The following SPAM1 variants were observed in gnomAD, a reference collection of about 807,000 sequenced individuals.
The protein encoded by SPAM1 is hyaluronidase PH-20.
A neutral mutation model predicts 29.6 loss-of-function variants in SPAM1; 22 were observed. The observed-to-expected ratio is 0.74, with a 90% confidence interval of 0.53 to 1.06. SPAM1 has a LOEUF of 1.06. Ranked by LOEUF, SPAM1 falls within the 50% of genes least tolerant of loss-of-function variation. SPAM1 has a pLI of 0.00. For synonymous variants in SPAM1, 194 were observed against 204.6 expected, an observed-to-expected ratio of 0.95 and a Z score of 0.44; for missense variants, 534 against 604.0, an observed-to-expected ratio of 0.88 and a Z score of 1.21.
chr7:123,947,578 CCACACACACACACACACACACACA>C (rs3993662), intron 1 of SPAM1: 1 of 147,648 alleles, frequency 6.8e-6, no homozygotes, highest in Non-Finnish European at 1.5e-5. Flanking sequence ...GATTAAAACA[CCACACACACACACACACACACACA>C]CACACACACA....
Position 123,955,071 on chromosome 7 carries a change from T to C in SPAM1, c.1029T>C (p.Ser343=). The C allele has an allele frequency of 1.9e-6, 3 of 1,608,978 alleles. No homozygotes were observed. The highest frequency in any genetic ancestry group is 2.6e-6 in the Non-Finnish European group (3 of 1,175,914). ...GAATTGTAATATGGGGAACCCTCAG[T>C]ATAATGCGAAGTATGGTAAGTTGAA... ...ASGIVIWGTL[S]IMRSMKSCLL... is the part of the protein sequence containing the mutation. The change falls in exon 4 of 5, where the codon AGT becomes AGC. Residue 343 remains serine, a synonymous_variant. Coordinates refer to ENST00000682466, the MANE Select transcript of SPAM1 (RefSeq NM_153189.3).
chr7:123,962,478 A>G (rs903967491), downstream of SPAM1, among the ~76,000 whole-genome samples: 4 of 151,926 alleles, frequency 2.6e-5, no homozygotes, highest in African/African-American at 2.4e-5. Flanking sequence ...TACTCTGTTC[A>G]TTGCTTTTCC....
intron 6 of SPAM1, among the ~76,000 whole-genome samples, chr7:123,970,790 T>A (rs1364781211): frequency 6.6e-6 from 1 of 151,972 alleles, no homozygotes; most frequent in East Asian, 1.9e-4. Context: ...AGAAACATAT[T>A]CTATTCCATA....
chr7:123,961,370 G>A (rs904963234), downstream of SPAM1, among the ~76,000 whole-genome samples: 1 of 151,714 alleles, frequency 6.6e-6, no homozygotes, highest in Non-Finnish European at 1.5e-5. Context: ...TCCTCTCTCT[G>A]TGATTTCAAT....
intron 1 of SPAM1, among the ~76,000 whole-genome samples, chr7:123,944,510 A>G (rs578201948): frequency 6.6e-6 from 1 of 152,186 alleles, no homozygotes; most frequent in South Asian, 2.1e-4. Context: ...CAGTTACCAA[A>G]AGGCAAAAGA....
At chr7:123,935,597 A>G (rs997575172) in intron 1 of SPAM1, among the ~76,000 whole-genome samples, 1 of 152,182 alleles carries the variant, frequency 6.6e-6, no homozygotes, top group Non-Finnish European at 1.5e-5. Context: ...TAAGAATTCT[A>G]TTCTTGTTGC....
At chr7:123,968,815 C>T (rs1279490440) in intron 5 of SPAM1, among the ~76,000 whole-genome samples, 2 of 152,130 alleles carry the variant, frequency 1.3e-5, no homozygotes, top group South Asian at 2.1e-4. Flanking sequence ...GTTTCCTCAT[C>T]TGTGTGAGAA....
At chr7:123,941,819 G>C (rs892064797) in intron 1 of SPAM1, among the ~76,000 whole-genome samples, 3 of 152,134 alleles carry the variant, frequency 2.0e-5, no homozygotes, top group Admixed American at 6.5e-5. Context: ...CATTTTAGAA[G>C]AAAATGGGTC....
At chr7:123,968,690 G>C (rs1792460820) in intron 5 of SPAM1, among the ~76,000 whole-genome samples, 1 of 151,972 alleles carries the variant, frequency 6.6e-6, no homozygotes, top group East Asian at 1.9e-4. Context: ...GAGATAGTAT[G>C]TCTAATAGTT....
intron 4 of SPAM1, among the ~76,000 whole-genome samples, chr7:123,958,050 CTT>C (rs1416773218): frequency 6.6e-6 from 1 of 152,024 alleles, no homozygotes; most frequent in Non-Finnish European, 1.5e-5. Flanking sequence ...TGCAAAGTCT[CTT>C]TTGTCACATA....
At chr7:123,963,488 T>C (rs1308522966), downstream of SPAM1, among the ~76,000 whole-genome samples, 2 of 151,826 alleles carry the variant, frequency 1.3e-5, no homozygotes, top group African/African-American at 4.8e-5. Context: ...AAGATTAGCA[T>C]TAAAAAGGAT....
chr7:123,951,573 G>A (rs1451951134), intron 2 of SPAM1, among the ~76,000 whole-genome samples: 1 of 151,988 alleles, frequency 6.6e-6, no homozygotes, highest in East Asian at 1.9e-4. Context: ...AGACTTCTAT[G>A]GGTAGAGACG....
rs1242850512 is a variant in SPAM1, at chr7:123,954,380, T to C, written c.810T>C (p.Ser270=). The C allele has an allele frequency of 6.2e-7, 1 of 1,613,306 alleles. No homozygotes were observed. Among genetic ancestry groups the C allele is most frequent in the African/African-American group, 1.3e-5 (1 of 74,876 alleles). ...CCATTTATTTGAACACTCAGCAGTC[T>C]CCTGTAGCTGCTACACTCTATGTGC... The part of the protein sequence containing the change: ...YPSIYLNTQQ[S]PVAATLYVRN... Residue 270 remains serine (S), a synonymous_variant, in exon 3 of 5, where the codon TCT becomes TCC. Transcript: ENST00000682466.
intron 4 of SPAM1, among the ~76,000 whole-genome samples, chr7:123,955,610 C>T (rs1792230969): frequency 6.6e-6 from 1 of 151,962 alleles, no homozygotes; most frequent in South Asian, 2.1e-4. Flanking sequence ...CTCAGGACCT[C>T]AGCGAATAGT....
intron 1 of SPAM1, among the ~76,000 whole-genome samples, chr7:123,930,765 C>T (rs1409271358): frequency 3.9e-5 from 6 of 152,082 alleles, no homozygotes; most frequent in South Asian, 2.1e-4. Flanking sequence ...ATGGTCTGGT[C>T]GTGGAGAACT....
At chr7:123,964,154 T>A (rs1203042625), downstream of SPAM1, among the ~76,000 whole-genome samples, 2 of 151,880 alleles carry the variant, frequency 1.3e-5, no homozygotes, top group Non-Finnish European at 2.9e-5. Context: ...CTATATTAGA[T>A]GTACATGTCA....
chr7:123,945,467 C>T (rs1366205846), intron 1 of SPAM1, among the ~76,000 whole-genome samples: 1 of 152,152 alleles, frequency 6.6e-6, no homozygotes, highest in Admixed American at 6.6e-5. Flanking sequence ...ATTACACATG[C>T]CAAGGTCAAA....
rs931439298 is a variant in SPAM1, at chr7:123,953,917, A to G, written c.347A>G (p.Gln116Arg). 1 of 1,613,738 alleles carries G rather than the reference A, an allele frequency of 6.2e-7. No homozygotes were observed. Among genetic ancestry groups the G allele is most frequent in the South Asian group, 1.1e-5 (1 of 91,070 alleles). ...TGVTVNGGIP[Q>R]KISLQDHLDK... ...GTAACTGTGAATGGAGGAATCCCCC[A>G]GAAGATTTCCTTACAAGACCATCTG... Residue 116 changes from glutamine (Q) to arginine (R), a missense_variant, in exon 3 of 5, where the codon CAG becomes CGG. By Grantham distance (43) the Gln-to-Arg change is conservative (BLOSUM62 1). Transcript: ENST00000682466.
At chr7:123,964,785 A>T (rs1343575038), downstream of SPAM1, among the ~76,000 whole-genome samples, 1 of 152,006 alleles carries the variant, frequency 6.6e-6, no homozygotes, top group Non-Finnish European at 1.5e-5. Context: ...AAGCAGGAAA[A>T]ACTGTTAAAA....
Sources: allele counts gnomAD v4.1 joint callset (sites outside exome capture counted in the v4.1 genomes callset), GRCh38; gene constraint gnomAD v4.1.1; transcripts MANE v1.5; gene names NCBI Gene and HGNC (gene_info 2026-07-23, HGNC 2026-07-21).